MAPKAPK5: variants seen among roughly 807,000 people sequenced by gnomAD.
MAPKAPK5 encodes MAP kinase-activated protein kinase 5.
In MAPKAPK5, 30 loss-of-function variants were observed where a neutral mutation model predicts 65.1. The ratio of observed to expected loss-of-function variants is 0.46; its 90% confidence interval spans 0.34 to 0.63. MAPKAPK5 has a LOEUF of 0.63. Among genes scored for constraint, MAPKAPK5 ranks in the 20% least tolerant of loss-of-function variants. The pLI is 0.01. For missense variants in MAPKAPK5, 433 were observed against 581.4 expected (o/e 0.74, Z 2.63); for synonymous variants, 179 against 204.6 (o/e 0.87, Z 1.07).
rs2070730872 is a variant in MAPKAPK5, at chr12:111,894,543, T to A, written c.*1482T>A. ...GATTATCATGTAAGATGATCCAGTT[T>A]TGGTTTTTTTTTTTATAAGGCTGCC... is the stretch of plus-strand genomic sequence containing the variant. On this transcript the variant is annotated 3_prime_UTR_variant, in exon 14 of 14. Transcript: ENST00000550735. The A allele has an allele frequency of 6.6e-6, 1 of 152,098 alleles. No individual in the cohort carries two copies. The highest frequency in any genetic ancestry group is 1.5e-5 in the Non-Finnish European group (1 of 68,042). 9.4% of individuals were successfully genotyped at this position (152,098 alleles called of 1,614,324 possible).
At position 111,890,091 on chromosome 12, in the gene MAPKAPK5, A is replaced by G; in HGVS notation, c.1268A>G (p.Tyr423Cys). ...LNEVMQEAWK[Y>C]NRECKLLRDT... is the part of the protein sequence containing the mutation. ...GAAGTAATGCAGGAGGCTTGGAAGT[A>G]TAACCGGGAATGCAAACTCCTAAGA... Residue 423 changes from tyrosine (Y) to cysteine (C), a missense_variant, in exon 13 of 14, where the codon TAT (tyrosine) becomes TGT (cysteine). Around this residue, in one of 3 missense-constraint regions of MAPKAPK5, gnomAD observed 169 missense variants for 215.6 expected, o/e 0.78. Transcript: ENST00000550735. 1 of 1,600,106 alleles carries G rather than the reference A, an allele frequency of 6.2e-7. No individual in the cohort carries two copies. The highest frequency in any genetic ancestry group is 1.3e-5 in the African/African-American group (1 of 74,858).
chr12:111,858,058 C>T (rs562875775), intron 1 of MAPKAPK5, among the ~76,000 whole-genome samples: 7 of 152,170 alleles, frequency 4.6e-5, no homozygotes, highest in Admixed American at 3.9e-4. Flanking sequence ...GCATGCACCA[C>T]TACACCAGGC....
At position 111,891,072 on chromosome 12, in the gene MAPKAPK5, T is replaced by G. The variant is rs377065704; in HGVS notation, c.1321+928T>G. ...TTTCAATGCCTCACTTGTTTCCGCG[T>G]TTTTTTGTTGTTGTTGTTTTTTGTT... On this transcript the variant is annotated intron_variant, in intron 13 of 13. Coordinates refer to ENST00000550735, the MANE Select transcript of MAPKAPK5 (RefSeq NM_003668.4). Among the ~76,000 whole-genome samples the G allele has an allele frequency of 1.2e-3, 181 of 151,996 alleles. 1 individual carries two copies. Among genetic ancestry groups the G allele is most frequent in the African/African-American group, 4.2e-3 (174 of 41,460 alleles).
intron 1 of MAPKAPK5, among the ~76,000 whole-genome samples, chr12:111,861,109 A>G (rs914643045): frequency 6.6e-6 from 1 of 150,940 alleles, no homozygotes; most frequent in South Asian, 2.1e-4. Flanking sequence ...GTGAGCCGAG[A>G]TCGCGCCACT....
intron 12 of MAPKAPK5, chr12:111,889,294 G>A (rs1313930795): frequency 3.2e-6 from 1 of 313,068 alleles, no homozygotes; most frequent in Non-Finnish European, 6.0e-6. Flanking sequence ...TGTTTTCTTA[G>A]TTTGACAACA....
intron 9 of MAPKAPK5, among the ~76,000 whole-genome samples, chr12:111,884,059 G>T (rs936470060): frequency 4.6e-5 from 7 of 152,156 alleles, no homozygotes; most frequent in Non-Finnish European, 1.0e-4. Flanking sequence ...TTATAGACCT[G>T]GTGTGCTGTC....
In MAPKAPK5 at chr12:111,880,452, G is replaced by A. The variant is rs1487342613; in HGVS notation, c.585G>A (p.Leu195=). 4 of 1,613,738 alleles carry A rather than the reference G, an allele frequency of 2.5e-6. No individual in the cohort carries two copies. In the South Asian group the frequency reaches 3.3e-5, roughly 13 times the overall value. Residue 195 remains leucine (L), a synonymous_variant, in exon 8 of 14, where the codon CTG becomes CTA. Coordinates refer to ENST00000550735, the MANE Select transcript of MAPKAPK5 (RefSeq NM_003668.4). ...FTPYYVAPQV[L]EAQRRHQKEK... is the part of the protein sequence containing the mutation. ...TTTGGTCTGACTCTTGACAGGTACT[G>A]GAGGCGCAAAGAAGGCATCAGAAGG...
rs1269333516 is a variant in MAPKAPK5, at chr12:111,886,065, G to A, written c.969+29G>A. On this transcript the variant is annotated intron_variant, in intron 10 of 13. Coordinates refer to ENST00000550735, the MANE Select transcript of MAPKAPK5 (RefSeq NM_003668.4). Reference sequence around the variant, plus strand: ...TTGAATGATGTTTACTTTGTTGGCTGAAAAGACTGTGTTGGGAAGGAATGC... The same window carrying A: ...TTGAATGATGTTTACTTTGTTGGCTAAAAAGACTGTGTTGGGAAGGAATGC... 3.1e-6 allele frequency: 5 copies of A among 1,613,742 alleles called. No homozygotes were observed. In the African/African-American group the frequency reaches 5.3e-5, roughly 17 times the overall value.
intron 9 of MAPKAPK5, among the ~76,000 whole-genome samples, chr12:111,885,191 G>T (rs566777433): frequency 1.4e-4 from 21 of 152,306 alleles, no homozygotes; most frequent in Non-Finnish European, 1.5e-5. Context: ...CCAGAAGAAG[G>T]TGGCAGACAA....
intron 12 of MAPKAPK5, 164 bp from the exon 13 acceptor site, chr12:111,889,876 G>A: frequency 1.7e-6 from 1 of 583,818 alleles, no homozygotes; most frequent in Non-Finnish European, 3.1e-6. Flanking sequence ...ACCAGATGCG[G>A]TCTACATAAT....
rs1252419357 is a variant in MAPKAPK5 at position 111,901,401 on chromosome 12, C to G, written c.*8340C>G. The G allele has an allele frequency of 4.4e-6, 2 of 455,952 alleles. No individual in the cohort carries two copies. Among genetic ancestry groups the G allele is most frequent in the Non-Finnish European group, 8.8e-6 (2 of 226,776 alleles). The allele number at this position is 455,952 out of a possible 1,614,324, so 28.2% of individuals were successfully genotyped here. A position where few individuals can be genotyped will look rare whatever the true frequency, so the allele number is the denominator to read the frequency against. On this transcript the variant is annotated 3_prime_UTR_variant, in exon 14 of 14. Coordinates refer to ENST00000550735, the MANE Select transcript of MAPKAPK5 (RefSeq NM_003668.4). ...CCCTCCTGGTAAGCTAGGTGGGACA[C>G]CTTCAGGAGAAGGTGAAAATCACAA...
Position 111,899,194 on chromosome 12 carries a change from G to A in MAPKAPK5, c.*6133G>A, listed in dbSNP as rs2070934890. ...AGTACTAAACACCTGAGCCTCCGAG[G>A]GTTTGTGTGCGAGGGAGAGCTCTGC... On this transcript the variant is annotated 3_prime_UTR_variant, in exon 14 of 14. Coordinates refer to ENST00000550735, the MANE Select transcript of MAPKAPK5 (RefSeq NM_003668.4). 1 of 152,266 alleles carries A rather than the reference G, an allele frequency of 6.6e-6. No homozygotes were observed. Among genetic ancestry groups the A allele is most frequent in the Admixed American group, 6.5e-5 (1 of 15,288 alleles). The allele number at this position is 152,266 out of a possible 1,614,324, so 9.4% of individuals were successfully genotyped here.
intron 1 of MAPKAPK5, among the ~76,000 whole-genome samples, chr12:111,852,870 T>C (rs1593125970): frequency 6.6e-6 from 1 of 151,950 alleles, no homozygotes; most frequent in African/African-American, 2.4e-5. Flanking sequence ...GCCTCCCAGG[T>C]TCAAGCAATT....
chr12:111,842,900 C>T, intron 1 of MAPKAPK5, 131 bp downstream of exon 1: 2 of 912,892 alleles, frequency 2.2e-6, no homozygotes, highest in South Asian at 5.6e-5. Flanking sequence ...CCCCGGATTC[C>T]GTGGATCGCG....
intron 1 of MAPKAPK5, among the ~76,000 whole-genome samples, chr12:111,856,924 A>G (rs768178461): frequency 2.6e-5 from 4 of 152,168 alleles, no homozygotes; most frequent in Non-Finnish European, 5.9e-5. Flanking sequence ...GATCCAAGTT[A>G]CTATCTGATG....
chr12:111,886,081 G>T (rs370438758), intron 10 of MAPKAPK5, 45 bp downstream of exon 10: 2 of 1,613,324 alleles, frequency 1.2e-6, no homozygotes, highest in Non-Finnish European at 1.7e-6. Context: ...ACTGTGTTGG[G>T]AAGGAATGCT....
Position 111,883,828 on chromosome 12 carries a change from G to A in MAPKAPK5, c.848+60G>A, listed in dbSNP as rs968842753. The stretch of plus-strand genomic sequence containing the variant: ...GAGGCCTCCAGGTGGTGGAGCACAA[G>A]GGAATGTGGGTAGAGAAAAGTCACT... On this transcript the variant is annotated intron_variant, in intron 9 of 13. Transcript: ENST00000550735. The surrounding 1 kb of genome is among the most constrained non-coding windows in gnomAD (Gnocchi z 4.8). 2.6e-6 allele frequency: 4 copies of A among 1,537,614 alleles called. No homozygotes were observed. Among genetic ancestry groups the A allele is most frequent in the Middle Eastern group, 1.9e-4 (1 of 5,202 alleles).
rs2070829984 is a variant in MAPKAPK5 at position 111,896,617 on chromosome 12, AAC to A, written c.*3559_*3560del. ...CAAACACCTATACCTGTGGAAACAT[AAC>A]ACTGTAAATATAATTCTTATAAAGC... On this transcript the variant is annotated 3_prime_UTR_variant, in exon 14 of 14. Transcript: ENST00000550735. The A allele has an allele frequency of 6.6e-6, 1 of 152,208 alleles. No individual in the cohort carries two copies. The highest frequency in any genetic ancestry group is 6.5e-5 in the Admixed American group (1 of 15,270). The allele number at this position is 152,208 out of a possible 1,614,324, so 9.4% of individuals were successfully genotyped here.
chr12:111,897,874 G>A lies in MAPKAPK5; in HGVS notation c.*4813G>A, dbSNP rs1004923742. 2.0e-5 allele frequency: 3 copies of A among 151,150 alleles called. No homozygotes were observed. Among genetic ancestry groups the A allele is most frequent in the African/African-American group, 4.9e-5 (2 of 41,108 alleles). The allele number at this position is 151,150 out of a possible 1,614,324, so 9.4% of individuals were successfully genotyped here. A position where few individuals can be genotyped will look rare whatever the true frequency, so the allele number is the denominator to read the frequency against. On this transcript the variant is annotated 3_prime_UTR_variant, in exon 14 of 14. Coordinates refer to ENST00000550735, the MANE Select transcript of MAPKAPK5 (RefSeq NM_003668.4). ...GAAAGGTCTCATGTTGTAAATATTT[G>A]ACTTGCTGTAAAATTATACAAGATA... is the stretch of plus-strand genomic sequence containing the variant.
Sources: gnomAD v4.1 joint callset for allele counts (sites outside exome capture counted in the v4.1 genomes callset) on GRCh38, gnomAD v4.1.1 for gene constraint, gnomAD v4.1.1 regional missense constraint, Gnocchi (gnomAD v3.1) non-coding constraint, MANE v1.5 for transcripts, NCBI Gene and HGNC (gene_info 2026-07-23, HGNC 2026-07-21) for gene names.